PLCG2: variants seen among roughly 807,000 people sequenced by gnomAD.
PLCG2 encodes 1-phosphatidylinositol 4,5-bisphosphate phosphodiesterase gamma-2.
In PLCG2, 69 loss-of-function variants were observed where a neutral mutation model predicts 175.6. That is an observed-to-expected ratio of 0.39 (90% CI 0.32 to 0.48). The LOEUF is 0.48. Among genes scored for constraint, PLCG2 ranks in the 20% least tolerant of loss-of-function variants. PLCG2 has a pLI of 0.91. For missense variants in PLCG2, 1,798 were observed against 1,650.9 expected, an observed-to-expected ratio of 1.09 and a Z score of -1.54; for synonymous variants, 827 against 624.0, an observed-to-expected ratio of 1.33 and a Z score of -4.85.
intron 14 of PLCG2, among the ~76,000 whole-genome samples, 168 bp from the exon 15 acceptor site, chr16:81,905,235 G>A (rs1909315560): frequency 6.6e-6 from 1 of 152,212 alleles, no homozygotes; most frequent in Non-Finnish European, 1.5e-5. Flanking sequence ...CCTCCTCCTC[G>A]TTCAGGGTAA....
chr16:81,878,673 C>G (rs11644436), intron 7 of PLCG2, among the ~76,000 whole-genome samples: 1 of 152,014 alleles, frequency 6.6e-6, no homozygotes, highest in Non-Finnish European at 1.5e-5. Context: ...TCAGCCATCA[C>G]CTCCATGTGT....
At chr16:81,883,851 C>T (rs1301173195) in intron 9 of PLCG2, among the ~76,000 whole-genome samples, 1 of 152,222 alleles carries the variant, frequency 6.6e-6, no homozygotes, top group African/African-American at 2.4e-5. Flanking sequence ...GGGCTCTGAG[C>T]CCAGCTATAG....
intron 7 of PLCG2, among the ~76,000 whole-genome samples, chr16:81,875,114 C>T (rs1409213615): frequency 6.6e-6 from 1 of 151,978 alleles, no homozygotes; most frequent in African/African-American, 2.4e-5. Flanking sequence ...CAGGCATGCA[C>T]CATCACGCCT....
intron 2 of PLCG2, among the ~76,000 whole-genome samples, chr16:81,791,197 C>G (rs1911216308): frequency 6.6e-6 from 1 of 152,098 alleles, no homozygotes; most frequent in Non-Finnish European, 1.5e-5. Flanking sequence ...TGCTTAGTAC[C>G]ATAGCAGGAG....
chr16:81,789,171 G>A (rs1048411242), intron 2 of PLCG2, among the ~76,000 whole-genome samples: 2 of 152,232 alleles, frequency 1.3e-5, no homozygotes, highest in Non-Finnish European at 2.9e-5. Context: ...CAGGGTATTA[G>A]AACCTTCTTC....
chr16:81,828,460 G>A (rs1435748889), intron 2 of PLCG2, among the ~76,000 whole-genome samples: 9 of 151,814 alleles, frequency 5.9e-5, no homozygotes, highest in African/African-American at 1.9e-4. Context: ...GGATGGTCTC[G>A]ATCTCCTGAC....
intron 32 of PLCG2, among the ~76,000 whole-genome samples, chr16:81,957,118 G>C (rs1456705079): frequency 6.6e-6 from 1 of 152,000 alleles, no homozygotes; most frequent in East Asian, 1.9e-4. Context: ...GCCCAACATG[G>C]AGAAACCCTG....
chr16:81,849,225 G>A (rs981139075), intron 2 of PLCG2, among the ~76,000 whole-genome samples: 1 of 152,138 alleles, frequency 6.6e-6, no homozygotes, highest in Non-Finnish European at 1.5e-5. Flanking sequence ...TGGGGATAAC[G>A]TACTGCTTTA....
At chr16:81,890,087 C>T (rs998178006) in intron 10 of PLCG2, among the ~76,000 whole-genome samples, 1 of 151,994 alleles carries the variant, frequency 6.6e-6, no homozygotes, top group Non-Finnish European at 1.5e-5. Context: ...GTGGGCGGTC[C>T]AGGTAGAGCC....
intron 2 of PLCG2, among the ~76,000 whole-genome samples, chr16:81,825,668 A>G (rs1905018689): frequency 6.6e-6 from 1 of 152,218 alleles, no homozygotes; most frequent in Non-Finnish European, 1.5e-5. Flanking sequence ...TGTAACTTTA[A>G]TGGCAAAAAT....
chr16:81,923,240 CTAACCCT>C (rs1305863209), intron 21 of PLCG2, among the ~76,000 whole-genome samples: 4 of 151,974 alleles, frequency 2.6e-5, no homozygotes, highest in Non-Finnish European at 4.4e-5. Flanking sequence ...CTCCTAACCC[CTAACCCT>C]TAACCCCAAC....
At chr16:81,897,780 G>A in intron 13 of PLCG2, 1 of 452,864 alleles carries the variant, frequency 2.2e-6, no homozygotes, top group South Asian at 1.6e-5. Flanking sequence ...CATGACCTCA[G>A]GTGATCCTCC....
Position 81,956,863 on chromosome 16 carries a change from G to A in PLCG2, c.3739G>A (p.Glu1247Lys). The change falls in exon 32 of 33, where the codon GAG becomes AAG. Residue 1247 changes from glutamate (E) to lysine (K), a missense_variant. Transcript: ENST00000564138. ...TGAGAACCAGCTCCAGCTGTACCAG[G>A]AGAAATGCAACAAGAGGTAGGTCAG... Reference protein sequence around the residue: ...VNENQLQLYQEKCNKRLREKR... With the variant: ...VNENQLQLYQKKCNKRLREKR... 6.2e-7 allele frequency: 1 copy of A among 1,613,596 alleles called. No homozygotes were observed. Among genetic ancestry groups the A allele is most frequent in the Non-Finnish European group, 8.5e-7 (1 of 1,179,702 alleles).
rs1911812220 is a variant in PLCG2, at chr16:81,962,441, G to A, written c.*4443G>A. 4.6e-6 allele frequency: 1 copy of A among 215,714 alleles called. No individual in the cohort carries two copies. Among genetic ancestry groups the A allele is most frequent in the African/African-American group, 2.3e-5 (1 of 44,434 alleles). 13.4% of individuals were successfully genotyped at this position (215,714 alleles called of 1,614,324 possible). ...TTTCAAAATATTTTCTTTTTGAAGA[G>A]CCAGATTCCAGTGATCCTGCCTCTC... On this transcript the variant is annotated 3_prime_UTR_variant, in exon 33 of 33. Coordinates refer to ENST00000564138, the MANE Select transcript of PLCG2 (RefSeq NM_002661.5).
chr16:81,804,647 A>G (rs1911908946), intron 2 of PLCG2, among the ~76,000 whole-genome samples: 1 of 152,320 alleles, frequency 6.6e-6, no homozygotes, highest in South Asian at 2.1e-4. Flanking sequence ...GAAGCATAGC[A>G]CAGACTTTTC....
At chr16:81,771,058 A>AC (rs1491261773) in intron 2 of PLCG2, among the ~76,000 whole-genome samples, 2 of 92,520 alleles carry the variant, frequency 2.2e-5, no homozygotes, top group African/African-American at 1.2e-4. Context: ...ACTCCATCTC[A>AC]AAAAAAAAAA....
chr16:81,879,085 T>G (rs562392577), intron 7 of PLCG2, among the ~76,000 whole-genome samples: 1 of 152,102 alleles, frequency 6.6e-6, no homozygotes, highest in Non-Finnish European at 1.5e-5. Flanking sequence ...AGTGGGGGAA[T>G]GCGGTGCGGG....
At chr16:81,751,851 G>C (rs1221166089) in intron 1 of PLCG2, among the ~76,000 whole-genome samples, 1 of 151,926 alleles carries the variant, frequency 6.6e-6, no homozygotes, top group African/African-American at 2.4e-5. Context: ...GTGAAATCTT[G>C]TCTCTACTAA....
chr16:81,845,614 C>T (rs1027946045), intron 2 of PLCG2, among the ~76,000 whole-genome samples: 1 of 152,252 alleles, frequency 6.6e-6, no homozygotes, highest in Non-Finnish European at 1.5e-5. Flanking sequence ...AGCCCCTGCA[C>T]TAGAATCTTG....
Sources: allele counts gnomAD v4.1 joint callset (sites outside exome capture counted in the v4.1 genomes callset), GRCh38; gene constraint gnomAD v4.1.1; transcripts MANE v1.5; gene names NCBI Gene and HGNC (gene_info 2026-07-23, HGNC 2026-07-21).